XXYLT1: variants seen among roughly 807,000 people sequenced by gnomAD.
XXYLT1 encodes the protein UDP-xylose:alpha-xyloside alpha-1,3-xylosyltransferase.
In XXYLT1, 20 loss-of-function variants were observed where a neutral mutation model predicts 28.9. The observed-to-expected ratio is 0.69, with a 90% CI of 0.49 to 1.00. XXYLT1 has a LOEUF of 1.00. Ranked by LOEUF, XXYLT1 falls within the 50% of genes least tolerant of loss-of-function variation. The pLI is 0.00. For synonymous variants in XXYLT1, 257 were observed against 253.8 expected, an observed-to-expected ratio of 1.01 and a Z score of -0.12; for missense variants, 542 against 560.1, an observed-to-expected ratio of 0.97 and a Z score of 0.33.
rs80173372 is a variant in XXYLT1, at chr3:195,156,716, C to T, written c.653-135G>A. The T allele has an allele frequency of 3.7e-4, 441 of 1,190,586 alleles. 4 individuals are homozygous for T. The East Asian group carries it at 0.01, about 28-fold the overall frequency. 73.8% of individuals were successfully genotyped at this position (1,190,586 alleles called of 1,614,324 possible). A position where few individuals can be genotyped will look rare whatever the true frequency, so the allele number is the denominator to read the frequency against. ...TTGTCAGTGAATGATGCACAGTTAC[C>T]GCTGGAACAAAAGGCCTTTCATCTA... On this transcript the variant is annotated intron_variant, in intron 2 of 3. Transcript: ENST00000310380.
intron 3 of XXYLT1, among the ~76,000 whole-genome samples, chr3:195,148,458 A>C (rs1039044156): frequency 6.6e-6 from 1 of 151,726 alleles, no homozygotes; most frequent in Admixed American, 6.6e-5. Context: ...TTTTTTTTTT[A>C]AACACGAGAA....
chr3:195,252,351 T>TA (rs1279338527), intron 1 of XXYLT1, among the ~76,000 whole-genome samples: 1 of 152,080 alleles, frequency 6.6e-6, no homozygotes, highest in African/African-American at 2.4e-5. Context: ...CTTAAGCAAA[T>TA]AGAGAAAAAT....
chr3:195,077,001 C>G lies in XXYLT1; in HGVS notation c.786-6890G>C, dbSNP rs539151893. 1.1e-3 allele frequency among the ~76,000 whole-genome samples: 162 copies of G among 152,330 alleles called. No individual in the cohort carries two copies. Among genetic ancestry groups the G allele is most frequent in the Non-Finnish European group, 1.8e-3 (121 of 68,028 alleles). On this transcript the variant is annotated intron_variant, in intron 3 of 3. Transcript: ENST00000310380. This position sits in a 1 kb window ranked among gnomAD's most constrained non-coding sequence, Gnocchi z 4.8. ...GAGGGACACACTTCAACCCACAGCA[C>G]TCTCCAGCAATGAAGATGGAGAAAA...
chr3:195,269,420 G>A (rs1725945393), intron 1 of XXYLT1, among the ~76,000 whole-genome samples: 2 of 152,200 alleles, frequency 1.3e-5, no homozygotes, highest in Admixed American at 1.3e-4. Context: ...AATGGCCAAG[G>A]GCCCAAGAGG....
At chr3:195,251,490 T>C (rs1333709979) in intron 1 of XXYLT1, among the ~76,000 whole-genome samples, 2 of 152,134 alleles carry the variant, frequency 1.3e-5, no homozygotes, top group Non-Finnish European at 2.9e-5. Context: ...GACAGACGCC[T>C]GTGAAGCTGC....
At chr3:195,196,086 A>G (rs1043640682) in intron 2 of XXYLT1, among the ~76,000 whole-genome samples, 2 of 152,244 alleles carry the variant, frequency 1.3e-5, no homozygotes, top group African/African-American at 4.8e-5. Flanking sequence ...AGCGCCGTCC[A>G]GCAGAACCCT....
intron 1 of XXYLT1, among the ~76,000 whole-genome samples, chr3:195,268,166 A>G (rs2108861774): frequency 6.6e-6 from 1 of 152,246 alleles, no homozygotes; most frequent in South Asian, 2.1e-4. Context: ...GCGGTGGTTC[A>G]CGCCTGTAAT....
intron 2 of XXYLT1, among the ~76,000 whole-genome samples, chr3:195,182,338 A>G (rs752304721): frequency 6.6e-6 from 1 of 152,230 alleles, no homozygotes; most frequent in African/African-American, 2.4e-5. Context: ...TGCTGCTGCT[A>G]TTACCTGACG....
intron 3 of XXYLT1, among the ~76,000 whole-genome samples, chr3:195,117,482 TA>T (rs1487655989): frequency 6.6e-6 from 1 of 152,262 alleles, no homozygotes; most frequent in Non-Finnish European, 1.5e-5. Flanking sequence ...AAACAATTTT[TA>T]AAAACTTGTA....
rs1721534299 is a variant in XXYLT1 at position 195,173,934 on chromosome 3, G to A, written c.653-17353C>T. 6.6e-6 allele frequency among the ~76,000 whole-genome samples: 1 copy of A among 152,228 alleles called. No homozygotes were observed. The highest frequency in any genetic ancestry group is 1.5e-5 in the Non-Finnish European group (1 of 68,040). ...AAGGGCTGTGTCAGTAGGCACTGGT[G>A]AGAACAGCCGCTGGCTCCCTCGGGT... On this transcript the variant is annotated intron_variant, in intron 2 of 3. Transcript: ENST00000310380. This position sits in a 1 kb window ranked among gnomAD's most constrained non-coding sequence, Gnocchi z 4.3.
intron 2 of XXYLT1, among the ~76,000 whole-genome samples, chr3:195,212,863 A>C (rs1043512294): frequency 1.3e-5 from 2 of 152,110 alleles, no homozygotes; most frequent in African/African-American, 2.4e-5. Flanking sequence ...GATGTTGAGA[A>C]CCCTCAGTCA....
rs568515740 is a variant in XXYLT1 at position 195,077,874 on chromosome 3, G to A, written c.786-7763C>T. ...GGCTTCTCCTGGCCCTCCGCTCCCC[G>A]TGCCCAGCCTGCCTGGGGTTGTCAG... On this transcript the variant is annotated intron_variant, in intron 3 of 3. Coordinates refer to ENST00000310380, the MANE Select transcript of XXYLT1 (RefSeq NM_152531.5). This position sits in a 1 kb window ranked among gnomAD's most constrained non-coding sequence, Gnocchi z 4.8. Among the ~76,000 whole-genome samples, 13 of 152,186 alleles carry A rather than the reference G, an allele frequency of 8.5e-5. No individual in the cohort carries two copies. In the South Asian group the frequency reaches 1.7e-3, roughly 19 times the overall value.
At chr3:195,236,005 C>G (rs1724530795) in intron 1 of XXYLT1, among the ~76,000 whole-genome samples, 1 of 150,206 alleles carries the variant, frequency 6.7e-6, no homozygotes, top group African/African-American at 2.5e-5. Context: ...GGTGACACCC[C>G]TGTCACTATC....
chr3:195,153,524 T>A (rs562749450), intron 3 of XXYLT1, among the ~76,000 whole-genome samples: 1 of 152,310 alleles, frequency 6.6e-6, no homozygotes, highest in African/African-American at 2.4e-5. Context: ...CAAACGCCAT[T>A]CTTCAGACTC....
intron 1 of XXYLT1, among the ~76,000 whole-genome samples, chr3:195,236,264 C>G (rs960014638): frequency 2.6e-5 from 4 of 152,094 alleles, no homozygotes; most frequent in Non-Finnish European, 5.9e-5. Context: ...TAGAAATCTG[C>G]CTGGTGCTCT....
At chr3:195,201,953 C>T (rs918567103) in intron 2 of XXYLT1, among the ~76,000 whole-genome samples, 4 of 152,146 alleles carry the variant, frequency 2.6e-5, no homozygotes, top group East Asian at 1.9e-4. Context: ...CCAAGGTGGG[C>T]GGATCATGAG....
At chr3:195,149,195 G>A (rs189477570) in intron 3 of XXYLT1, among the ~76,000 whole-genome samples, 1 of 152,128 alleles carries the variant, frequency 6.6e-6, no homozygotes, top group South Asian at 2.1e-4. Context: ...AAGGTATAGA[G>A]AGTTTATTTA....
chr3:195,237,460 TTCC>T (rs1212835167), intron 1 of XXYLT1, among the ~76,000 whole-genome samples: 2 of 152,142 alleles, frequency 1.3e-5, no homozygotes, highest in African/African-American at 4.8e-5. Flanking sequence ...AAGACTGTCT[TTCC>T]TACCCTCTGC....
At chr3:195,179,968 T>C (rs1482260801) in intron 2 of XXYLT1, among the ~76,000 whole-genome samples, 2 of 152,132 alleles carry the variant, frequency 1.3e-5, no homozygotes, top group African/African-American at 4.8e-5. Flanking sequence ...TCCCTCCCAC[T>C]GTCTCCCCCA....
Sources: allele counts gnomAD v4.1 joint callset (sites outside exome capture counted in the v4.1 genomes callset), GRCh38; gene constraint gnomAD v4.1.1; non-coding constraint Gnocchi (gnomAD v3.1); transcripts MANE v1.5; gene names NCBI Gene and HGNC (gene_info 2026-07-23, HGNC 2026-07-21).